MARK1: variants seen among roughly 807,000 people sequenced by gnomAD.
MARK1 encodes the protein microtubule affinity regulating kinase 1.
Under a neutral mutation model 96.3 loss-of-function variants are expected in MARK1, and 40 were observed. The ratio of observed to expected loss-of-function variants is 0.42; its 90% CI spans 0.32 to 0.54. The LOEUF (loss-of-function observed/expected upper bound fraction) is 0.54. MARK1 is among the 20% of genes least tolerant of loss of function. The pLI is 0.16. For synonymous variants in MARK1, 317 were observed against 341.2 expected (o/e 0.93, Z 0.78); for missense variants, 719 against 984.6 (o/e 0.73, Z 3.61).
intron 1 of MARK1, among the ~76,000 whole-genome samples, chr1:220,550,417 A>G (rs1661781157): frequency 1.3e-5 from 2 of 152,114 alleles, no homozygotes; most frequent in African/African-American, 4.8e-5. Context: ...CAGTGATGGG[A>G]ACATGGCTCA....
At chr1:220,615,896 T>A (rs1033231417) in intron 6 of MARK1, 43 bp from the exon 7 acceptor site, 1 of 1,125,260 alleles carries the variant, frequency 8.9e-7, no homozygotes, top group African/African-American at 1.6e-5. Context: ...GAAAATTGCG[T>A]TTTTTTAATA....
chr1:220,610,695 A>C (rs1666390638), intron 6 of MARK1, among the ~76,000 whole-genome samples: 1 of 152,000 alleles, frequency 6.6e-6, no homozygotes, highest in Non-Finnish European at 1.5e-5. Flanking sequence ...GGTTTTATCT[A>C]CCTTTGGTCT....
intron 12 of MARK1, 58 bp downstream of exon 12, chr1:220,635,587 T>A: frequency 2.6e-6 from 4 of 1,553,956 alleles, no homozygotes; most frequent in Non-Finnish European, 3.5e-6. Context: ...AATTTGTGTT[T>A]TTAAAGCATT....
intron 9 of MARK1, among the ~76,000 whole-genome samples, chr1:220,629,584 T>C (rs778684230): frequency 1.2e-4 from 18 of 152,176 alleles, no homozygotes; most frequent in Non-Finnish European, 2.1e-4. Context: ...ACTAAAACTC[T>C]GTACTCATTG....
intron 3 of MARK1, among the ~76,000 whole-genome samples, chr1:220,594,845 A>G (rs1255701194): frequency 6.6e-6 from 1 of 152,208 alleles, no homozygotes; most frequent in Non-Finnish European, 1.5e-5. Context: ...AAAAAGATCA[A>G]TGGTTGCCAG....
chr1:220,530,103 G>A (rs1330101447), intron 1 of MARK1, among the ~76,000 whole-genome samples: 6 of 152,130 alleles, frequency 3.9e-5, no homozygotes, highest in Non-Finnish European at 5.9e-5. Flanking sequence ...TTTCATCTTA[G>A]GAGGGAAGCA....
chr1:220,548,905 T>C (rs1661679745), intron 1 of MARK1, among the ~76,000 whole-genome samples: 3 of 152,312 alleles, frequency 2.0e-5, no homozygotes, highest in East Asian at 3.9e-4. Context: ...TTTTAGATAA[T>C]TTAGGTAAGT....
chr1:220,563,359 A>G (rs896582380), intron 1 of MARK1, among the ~76,000 whole-genome samples: 2 of 152,310 alleles, frequency 1.3e-5, no homozygotes, highest in Non-Finnish European at 1.5e-5. Context: ...AATGCTTAGT[A>G]TACCTCTTAC....
At chr1:220,630,965 C>A in intron 9 of MARK1, 70 bp from the exon 10 acceptor site, 3 of 1,083,282 alleles carry the variant, frequency 2.8e-6, no homozygotes, top group Non-Finnish European at 4.1e-6. Flanking sequence ...TTTACATTTG[C>A]TAAAATAGAG....
chr1:220,581,592 C>T (rs148721298), intron 3 of MARK1, among the ~76,000 whole-genome samples: 1,638 of 152,238 alleles, frequency 0.011, 25 homozygotes, highest in African/African-American at 0.037. Context: ...TGCTGATAAG[C>T]TTCTTAATTA....
intron 1 of MARK1, among the ~76,000 whole-genome samples, chr1:220,546,759 G>C (rs1661517401): frequency 6.6e-6 from 1 of 152,126 alleles, no homozygotes; most frequent in East Asian, 1.9e-4. Context: ...GATCGCCTGA[G>C]TTCAGGAGTT....
intron 5 of MARK1, 89 bp from the exon 6 acceptor site, chr1:220,603,978 T>G: frequency 1.3e-6 from 1 of 750,702 alleles, no homozygotes; most frequent in Non-Finnish European, 2.1e-6. Flanking sequence ...AAAAGTTTCT[T>G]TATAAACAAG....
chr1:220,650,471 TAGAG>T (rs1210427931), intron 13 of MARK1, 145 bp from the exon 14 acceptor site: 5 of 570,112 alleles, frequency 8.8e-6, no homozygotes, highest in African/African-American at 3.8e-5. Context: ...AAATCTAAAT[TAGAG>T]AGAGGCAGGG....
At position 220,661,995 on chromosome 1, in the gene MARK1, G is replaced by C; in HGVS notation, c.2217G>C (p.Leu739Phe). The C allele has an allele frequency of 1.2e-6, 2 of 1,614,184 alleles. No individual in the cohort carries two copies. The highest frequency in any genetic ancestry group is 8.5e-7 in the Non-Finnish European group (1 of 1,180,012). ...ATTATGAGCAAAAAGAGAGATTTTT[G>C]CTTTTCTGTGTCCATGGAGACGCTA... ...NCDYEQKERF[L>F]LFCVHGDARQ... Residue 739 changes from leucine (L) to phenylalanine (F), a missense_variant, in exon 18 of 18, where the codon TTG becomes TTC. By Grantham distance (22) the Leu-to-Phe change is conservative. Transcript: ENST00000366917.
intron 1 of MARK1, among the ~76,000 whole-genome samples, chr1:220,547,235 G>A (rs922347746): frequency 6.6e-6 from 1 of 152,030 alleles, no homozygotes; most frequent in African/African-American, 2.4e-5. Context: ...TTTCTGTATT[G>A]CCTAAATACC....
chr1:220,546,057 C>G (rs538298916), intron 1 of MARK1, among the ~76,000 whole-genome samples: 1 of 152,256 alleles, frequency 6.6e-6, no homozygotes, highest in African/African-American at 2.4e-5. Context: ...CTTGGCCTGT[C>G]ATTTGCAAGA....
chr1:220,658,861 A>G (rs907791230), intron 17 of MARK1, among the ~76,000 whole-genome samples: 1 of 152,212 alleles, frequency 6.6e-6, no homozygotes, highest in African/African-American at 2.4e-5. Flanking sequence ...TCACCACAGT[A>G]GGGAGCCACA....
At chr1:220,605,863 C>T (rs936976636) in intron 6 of MARK1, among the ~76,000 whole-genome samples, 12 of 152,084 alleles carry the variant, frequency 7.9e-5, no homozygotes, top group Non-Finnish European at 1.8e-4. Flanking sequence ...TTTATGGCTG[C>T]GTAGTATTCC....
At chr1:220,575,761 T>A (rs1933004) in intron 1 of MARK1, among the ~76,000 whole-genome samples, 142,507 of 151,774 alleles carry the variant, frequency 0.94, 67,617 homozygotes, top group East Asian at 1. Context: ...GAGATCTTTT[T>A]AAAAAATCAT....
Sources: allele counts gnomAD v4.1 joint callset (sites outside exome capture counted in the v4.1 genomes callset), GRCh38; gene constraint gnomAD v4.1.1; transcripts MANE v1.5; gene names NCBI Gene and HGNC (gene_info 2026-07-23, HGNC 2026-07-21).